The following TVP23A variants were observed in gnomAD, a reference collection of about 807,000 sequenced individuals.
TVP23A encodes Golgi apparatus membrane protein TVP23 homolog A.
In TVP23A, 21 loss-of-function variants were observed where a neutral mutation model predicts 31.7. That is an observed-to-expected ratio of 0.66 (90% CI 0.47 to 0.95). The LOEUF is 0.95. Ranked by LOEUF, TVP23A falls within the 40% of genes least tolerant of loss-of-function variation. The probability of loss-of-function intolerance (pLI) is 0.00; values close to 1 mark genes in which losing one functional copy is unlikely to be tolerated. For missense variants in TVP23A, 279 were observed against 255.6 expected (o/e 1.09, Z -0.62); for synonymous variants, 104 against 96.0 (o/e 1.08, Z -0.49).
downstream of TVP23A, among the ~76,000 whole-genome samples, chr16:10,762,292 C>A (rs146289587): frequency 8.4e-3 from 1,281 of 152,296 alleles, 8 homozygotes; most frequent in Non-Finnish European, 0.012. Flanking sequence ...CCTTTGTCTC[C>A]AGCACCGGGA....
At chr16:10,761,223 C>A (rs1900949648), downstream of TVP23A, 2 of 669,554 alleles carry the variant, frequency 3.0e-6, no homozygotes, top group Admixed American at 5.6e-5. Flanking sequence ...GATGGGGACA[C>A]AGAGCCAAAC....
At chr16:10,770,565 T>TA (rs150195896) in intron 6 of TVP23A, among the ~76,000 whole-genome samples, 3,567 of 141,872 alleles carry the variant, frequency 0.025, 43 homozygotes, top group Non-Finnish European at 0.032. Context: ...TCTATTAAGT[T>TA]AAAAAAAAAA....
downstream of TVP23A, chr16:10,763,603 C>CT (rs758856603): frequency 1.3e-5 from 2 of 152,378 alleles, no homozygotes; most frequent in African/African-American, 2.4e-5. Flanking sequence ...GAGCTGCCCT[C>CT]TGAGGCCCCT....
chr16:10,814,260 G>A (rs1383648519), intron 2 of TVP23A, among the ~76,000 whole-genome samples: 6 of 152,124 alleles, frequency 3.9e-5, no homozygotes, highest in Non-Finnish European at 7.3e-5. Flanking sequence ...CTGGATACAT[G>A]AACTGCTGCC....
At position 10,767,630 on chromosome 16, in the gene TVP23A, T is replaced by C; in HGVS notation, c.*1472A>G. On this transcript the variant is annotated 3_prime_UTR_variant, in exon 8 of 8. Transcript: ENST00000299866. This position sits in a 1 kb window ranked among gnomAD's most constrained non-coding sequence, Gnocchi z 4.6. ...TTTTAACCATGTGCATTCATGATCC[T>C]TTCACTCAAAAGCTAATCTCTTAAA... The C allele has an allele frequency of 2.3e-6, 1 of 435,308 alleles. No homozygotes were observed. Among genetic ancestry groups the C allele is most frequent in the Non-Finnish European group, 4.0e-6 (1 of 246,994 alleles). 27.0% of individuals were successfully genotyped at this position (435,308 alleles called of 1,614,324 possible).
At chr16:10,793,575 A>G (rs893257824) in intron 2 of TVP23A, among the ~76,000 whole-genome samples, 1 of 152,152 alleles carries the variant, frequency 6.6e-6, no homozygotes, top group Non-Finnish European at 1.5e-5. Context: ...ACAGAATATC[A>G]TCAACCAAGT....
At position 10,771,654 on chromosome 16, in the gene TVP23A, G is replaced by C; in HGVS notation, c.582+16C>G. 6.2e-7 allele frequency: 1 copy of C among 1,613,778 alleles called. No homozygotes were observed. Among genetic ancestry groups the C allele is most frequent in the East Asian group, 2.2e-5 (1 of 44,876 alleles). On this transcript the variant is annotated intron_variant, in intron 6 of 7. Coordinates refer to ENST00000299866, the MANE Select transcript of TVP23A (RefSeq NM_001079512.4). Reference sequence around the variant, plus strand: ...CTGGAGAGGAGTGGTCCAAGAGTCAGACCTCAGTTACTCACCGTCTGGAAC... The same window carrying C: ...CTGGAGAGGAGTGGTCCAAGAGTCACACCTCAGTTACTCACCGTCTGGAAC...
rs2032095854 is a variant in TVP23A at position 10,777,253 on chromosome 16, A to G, written c.90-2157T>C. Among the ~76,000 whole-genome samples, 1 of 152,066 alleles carries G rather than the reference A, an allele frequency of 6.6e-6. No homozygotes were observed. Among genetic ancestry groups the G allele is most frequent in the African/African-American group, 2.4e-5 (1 of 41,410 alleles). On this transcript the variant is annotated intron_variant, in intron 2 of 7. Transcript: ENST00000299866. The surrounding 1 kb of genome is among the most constrained non-coding windows in gnomAD (Gnocchi z 4.5). ...CAGACCCAGTACTGCCAGAGCCAAG[A>G]TTTTCATGAGAAGTCAGAAATCCAG... is the stretch of plus-strand genomic sequence containing the variant.
Position 10,783,557 on chromosome 16 carries a change from T to C in TVP23A, c.90-8461A>G, listed in dbSNP as rs1471291891. Among the ~76,000 whole-genome samples the C allele has an allele frequency of 1.2e-4, 18 of 152,106 alleles. 1 individual carries two copies. The stretch of plus-strand genomic sequence containing the variant: ...CGGGCGTGGTGGCGCGTACCTGTAG[T>C]CCCAGCTGCCGGAGAGGCTGAGGCA... On this transcript the variant is annotated intron_variant, in intron 2 of 7. Transcript: ENST00000299866.
intron 2 of TVP23A, among the ~76,000 whole-genome samples, chr16:10,805,982 T>A (rs2033923282): frequency 6.6e-6 from 1 of 152,200 alleles, no homozygotes; most frequent in Non-Finnish European, 1.5e-5. Flanking sequence ...AAAACTCCTA[T>A]GATACACAGG....
chr16:10,761,520 G>T (rs773609985), exon 9 of TVP23A: 1 of 1,502,462 alleles, frequency 6.7e-7, no homozygotes, highest in South Asian at 1.1e-5. Context: ...TTGCTCTCAT[G>T]GATGAGGAAA....
At chr16:10,794,972 A>G (rs890680724) in intron 2 of TVP23A, among the ~76,000 whole-genome samples, 6 of 151,958 alleles carry the variant, frequency 3.9e-5, no homozygotes, top group Non-Finnish European at 5.9e-5. Context: ...CTGAACTCCA[A>G]TCTCCACTCA....
At chr16:10,793,346 A>G (rs1033076774) in intron 2 of TVP23A, among the ~76,000 whole-genome samples, 5 of 152,162 alleles carry the variant, frequency 3.3e-5, no homozygotes, top group African/African-American at 1.2e-4. Flanking sequence ...CATCAAAATG[A>G]AAGTGTGAGC....
intron 6 of TVP23A, 44 bp from the exon 7 acceptor site, chr16:10,770,375 G>T: frequency 6.5e-7 from 1 of 1,539,176 alleles, no homozygotes; most frequent in Non-Finnish European, 8.8e-7. Flanking sequence ...CCTTACACGC[G>T]AGTGGGGCGA....
downstream of TVP23A, among the ~76,000 whole-genome samples, chr16:10,762,448 C>T (rs1237620522): frequency 1.3e-5 from 2 of 152,244 alleles, no homozygotes; most frequent in South Asian, 2.1e-4. Flanking sequence ...GGTTTCACGT[C>T]TCCACCCACA....
downstream of TVP23A, among the ~76,000 whole-genome samples, chr16:10,762,835 G>A (rs187035300): frequency 5.0e-4 from 76 of 152,256 alleles, no homozygotes; most frequent in East Asian, 0.013. Flanking sequence ...GGCGGGGCCC[G>A]TGGAGAGCCT....
chr16:10,770,731 C>A, intron 6 of TVP23A, among the ~76,000 whole-genome samples: 1 of 151,742 alleles, frequency 6.6e-6, no homozygotes, highest in East Asian at 1.9e-4. Context: ...ATTAGCCAGG[C>A]ATGGTGTTAT....
Position 10,774,129 on chromosome 16 carries a change from C to T in TVP23A, c.235-1G>A. On this transcript the variant is annotated splice_acceptor_variant, in intron 3 of 7. Transcript: ENST00000299866. LOFTEE classifies it high-confidence loss of function. The stretch of plus-strand genomic sequence containing the variant: ...CCACCAGGAGTCTTCCGGTTACATT[C>T]TGAGAACAATAGACAAAGGACTCTG... The T allele has an allele frequency of 6.2e-7, 1 of 1,606,474 alleles. No homozygotes were observed. The highest frequency in any genetic ancestry group is 8.5e-7 in the Non-Finnish European group (1 of 1,176,160).
In TVP23A at chr16:10,805,055, T is replaced by A. The variant is rs140495329; in HGVS notation, c.89+13048A>T. Among the ~76,000 whole-genome samples, 1,113 of 152,244 alleles carry A rather than the reference T, an allele frequency of 7.3e-3. 11 individuals carry two copies. Among genetic ancestry groups the A allele is most frequent in the African/African-American group, 0.025 (1,048 of 41,526 alleles). The stretch of plus-strand genomic sequence containing the variant: ...AATCTTTTCTTTTTCTTTCTTTTTT[T>A]CAGACAGAGTCTCGCTCTGTCGCCC... On this transcript the variant is annotated intron_variant, in intron 2 of 7. Transcript: ENST00000299866.
Sources: allele counts gnomAD v4.1 joint callset (sites outside exome capture counted in the v4.1 genomes callset), GRCh38; gene constraint gnomAD v4.1.1; non-coding constraint Gnocchi (gnomAD v3.1); transcripts MANE v1.5; gene names NCBI Gene and HGNC (gene_info 2026-07-23, HGNC 2026-07-21).